Variants in MAP7D1 observed in about 807,000 individuals in gnomAD.
MAP7D1 encodes MAP7 domain containing 1, also known as MAP7 domain-containing protein 1.
In MAP7D1, 30 loss-of-function variants were observed where a neutral mutation model predicts 97.5. The observed-to-expected ratio is 0.31, with a 90% CI of 0.23 to 0.42. The LOEUF is 0.42. Among genes scored for constraint, MAP7D1 ranks in the 10% least tolerant of loss-of-function variants. The pLI, the probability that MAP7D1 is intolerant of heterozygous loss-of-function variation, is 1.00. For missense variants in MAP7D1, 1,184 were observed against 1,179.5 expected (o/e 1.00, Z -0.06); for synonymous variants, 536 against 477.1 (o/e 1.12, Z -1.61).
intron 6 of MAP7D1, among the ~76,000 whole-genome samples, chr1:36,175,816 C>T (rs1228297977): frequency 6.6e-6 from 1 of 152,204 alleles, no homozygotes; most frequent in Non-Finnish European, 1.5e-5. Flanking sequence ...CATGGGACAG[C>T]CTCGGCTGGG....
chr1:36,178,701 C>A lies in MAP7D1; in HGVS notation c.1903C>A (p.Gln635Lys). 1 of 1,532,894 alleles carries A rather than the reference C, an allele frequency of 6.5e-7. No individual in the cohort carries two copies. Among genetic ancestry groups the A allele is most frequent in the South Asian group, 1.2e-5 (1 of 81,722 alleles). The allele number at this position is 1,532,894 out of a possible 1,614,324, so 95.0% of individuals were successfully genotyped here. A position where few individuals can be genotyped will look rare whatever the true frequency, so the allele number is the denominator to read the frequency against. ...GTCCCCCAGGCGAATGCGAGAGGAG[C>A]AGCTGGCACGGGAGGCCGAGGCCCG... is the stretch of plus-strand genomic sequence containing the variant. Reference protein sequence around the residue: ...AERDKRMREEQLAREAEARAE... With the variant: ...AERDKRMREEKLAREAEARAE... The change falls in exon 11 of 17, where the codon CAG becomes AAG. Residue 635 changes from glutamine to lysine, a missense_variant. Physicochemically the swap from Gln to Lys is moderately conservative, Grantham distance 53. Coordinates refer to ENST00000474796, the MANE Select transcript of MAP7D1 (RefSeq NM_001388490.1).
In MAP7D1 at chr1:36,178,953, G is replaced by A; in HGVS notation, c.2058G>A (p.Glu686=). 1 of 1,558,804 alleles carries A rather than the reference G, an allele frequency of 6.4e-7. No homozygotes were observed. The part of the protein sequence containing the change: ...KEEAEARSRE[E]AERQRLEREK... The stretch of plus-strand genomic sequence containing the variant: ...AGGCCGAAGCTCGGTCGCGGGAAGA[G>A]GCGGAGCGGCAGCGTCTGGAGCGGG... The change falls in exon 12 of 17, where the codon GAG becomes GAA. Residue 686 remains glutamate, a synonymous_variant. Coordinates refer to ENST00000474796, the MANE Select transcript of MAP7D1 (RefSeq NM_001388490.1).
rs759055812 is a variant in MAP7D1 at position 36,176,173 on chromosome 1, G to A, written c.851-26G>A. Reference sequence around the variant, plus strand: ...GCCTCCTACGGCCCCCACGGTGACCGGCTTCGCCTGGCCTTCTACCCCCAG... The same window carrying A: ...GCCTCCTACGGCCCCCACGGTGACCAGCTTCGCCTGGCCTTCTACCCCCAG... On this transcript the variant is annotated intron_variant, in intron 6 of 16. Transcript: ENST00000474796. This position sits in a 1 kb window ranked among gnomAD's most constrained non-coding sequence, Gnocchi z 6.1. 11 of 1,600,646 alleles carry A rather than the reference G, an allele frequency of 6.9e-6. No individual in the cohort carries two copies. Among genetic ancestry groups the A allele is most frequent in the Non-Finnish European group, 9.3e-6 (11 of 1,177,414 alleles).
rs369860365 is a variant in MAP7D1, at chr1:36,179,710, G to A, written c.2272G>A (p.Glu758Lys). 4.0e-6 allele frequency: 6 copies of A among 1,516,858 alleles called. No homozygotes were observed. The highest frequency in any genetic ancestry group is 5.3e-6 in the Non-Finnish European group (6 of 1,133,628). 94.0% of individuals were successfully genotyped at this position (1,516,858 alleles called of 1,614,324 possible). The change falls in exon 15 of 17, where the codon GAG (glutamate) becomes AAG (lysine). Residue 758 changes from glutamate to lysine, a missense_variant. Coordinates refer to ENST00000474796, the MANE Select transcript of MAP7D1 (RefSeq NM_001388490.1). ...GGCTCGGTCCCCAGGGCTGCAGAAGGAGGCTGTGCAGAAAGAGGAGCCCAT... is the reference window on the plus strand; with the variant it reads ...GGCTCGGTCCCCAGGGCTGCAGAAGAAGGCTGTGCAGAAAGAGGAGCCCAT... ...VEARSPGLQK[E>K]AVQKEEPIPQ...
chr1:36,171,025 C>A lies in MAP7D1; in HGVS notation c.101C>A (p.Ser34Tyr). 3 of 1,278,238 alleles carry A rather than the reference C, an allele frequency of 2.3e-6. No individual in the cohort carries two copies. The highest frequency in any genetic ancestry group is 3.2e-6 in the Non-Finnish European group (3 of 928,646). The allele number at this position is 1,278,238 out of a possible 1,614,324, so 79.2% of individuals were successfully genotyped here. The change falls in exon 2 of 17, where the codon TCC (serine) becomes TAC (tyrosine). Residue 34 changes from serine to tyrosine, a missense_variant. Ser to Tyr is a moderately radical substitution (Grantham distance 144, BLOSUM62 -2). Coordinates refer to ENST00000474796, the MANE Select transcript of MAP7D1 (RefSeq NM_001388490.1). ...EPRPSPEGDP[S>Y]PPPPPMSALV... ...AGACCTTCTCCAGAAGGTGACCCTT[C>A]CCCCCCACCACCACCAATGTCAGCC... is the stretch of plus-strand genomic sequence containing the variant.
At chr1:36,172,421 T>C (rs757770858) in intron 3 of MAP7D1, 43 bp from the exon 4 acceptor site, 1 of 1,455,230 alleles carries the variant, frequency 6.9e-7, no homozygotes, top group Non-Finnish European at 9.2e-7. Context: ...CCAGGCCTTC[T>C]GCAGAACCCT....
chr1:36,178,359 G>A, intron 9 of MAP7D1, 60 bp from the exon 10 acceptor site: 3 of 1,547,336 alleles, frequency 1.9e-6, no homozygotes, highest in South Asian at 1.2e-5. Context: ...ACAGGCCGCT[G>A]GGAGATGACG....
At chr1:36,156,495 G>GGGTAGATGGA in intron 1 of MAP7D1, 32 bp downstream of exon 1, 1 of 1,415,422 alleles carries the variant, frequency 7.1e-7, no homozygotes, top group Non-Finnish European at 9.2e-7. Context: ...GGCGAGATGG[G>GGGTAGATGGA]GGTAGATGGA....
chr1:36,156,989 G>A (rs1303544681), intron 1 of MAP7D1, among the ~76,000 whole-genome samples: 6 of 152,160 alleles, frequency 3.9e-5, no homozygotes, highest in African/African-American at 1.4e-4. Context: ...TCCAGCTGCC[G>A]CGCAAAGGGC....
At position 36,179,005 on chromosome 1, in the gene MAP7D1, G is replaced by A. The variant is rs1211241973; in HGVS notation, c.2110G>A (p.Glu704Lys). 6.4e-7 allele frequency: 1 copy of A among 1,554,902 alleles called. No individual in the cohort carries two copies. The highest frequency in any genetic ancestry group is 1.9e-5 in the Admixed American group (1 of 51,372). ...AAAGCACTTCCAGCAGCAGGAGCAA[G>A]AGCGGCAAGAGCGCAGAAAGGTGTG... The part of the protein sequence containing the change: ...REKHFQQQEQ[E>K]RQERRKRLEE... Residue 704 changes from glutamate to lysine, a missense_variant, in exon 12 of 17, where the codon GAG becomes AAG. By Grantham distance (56) the Glu-to-Lys change is moderately conservative. Transcript: ENST00000474796.
rs770255219 is a variant in MAP7D1 at position 36,180,269 on chromosome 1, C to T, written c.*11C>T. 6.2e-7 allele frequency: 1 copy of T among 1,614,184 alleles called. No homozygotes were observed. The highest frequency in any genetic ancestry group is 8.5e-7 in the Non-Finnish European group (1 of 1,180,032). ...CCAGAAGTCCTTTAAGAGGGTTTGCCTTGGATCCGGGCACAGTTGTGAGGG... is the reference window on the plus strand; with the variant it reads ...CCAGAAGTCCTTTAAGAGGGTTTGCTTTGGATCCGGGCACAGTTGTGAGGG... On this transcript the variant is annotated 3_prime_UTR_variant, in exon 17 of 17. Transcript: ENST00000474796.
chr1:36,178,604 C>A lies in MAP7D1; in HGVS notation c.1886+8C>A. On this transcript the variant is annotated splice_region_variant and intron_variant, in intron 10 of 16. Transcript: ENST00000474796. ...GCAGGCAGAAAGGGACAAGTGAGTGCGCCTCGGGGACTGAGGGGGCCCTCG... is the reference window on the plus strand; with the variant it reads ...GCAGGCAGAAAGGGACAAGTGAGTGAGCCTCGGGGACTGAGGGGGCCCTCG... 6.4e-7 allele frequency: 1 copy of A among 1,569,580 alleles called. No homozygotes were observed. Among genetic ancestry groups the A allele is most frequent in the Non-Finnish European group, 8.6e-7 (1 of 1,160,816 alleles).
chr1:36,157,846 A>G (rs1172491379), intron 1 of MAP7D1, among the ~76,000 whole-genome samples: 1 of 152,146 alleles, frequency 6.6e-6, no homozygotes, highest in Non-Finnish European at 1.5e-5. Flanking sequence ...GGCTACCATC[A>G]GACTGGTGGG....
chr1:36,160,422 C>G (rs144899108), intron 1 of MAP7D1, among the ~76,000 whole-genome samples: 98 of 152,344 alleles, frequency 6.4e-4, no homozygotes, highest in Admixed American at 5.0e-3. Flanking sequence ...CAAGTTATTT[C>G]CCATTAATTA....
rs1034016743 is a variant in MAP7D1, at chr1:36,172,561, T to G, written c.558T>G (p.Arg186=). Residue 186 remains arginine (R), a synonymous_variant, in exon 4 of 17, where the codon CGT becomes CGG. Transcript: ENST00000474796. ...QERRRRLEEQ[R]LKAEQRRAAL... Reference sequence around the variant, plus strand: ...GCCGGCGCCGGCTGGAGGAGCAACGTCTTAAAGCCGAGCAACGCCGTGCAG... The same window carrying G: ...GCCGGCGCCGGCTGGAGGAGCAACGGCTTAAAGCCGAGCAACGCCGTGCAG... 4.4e-6 allele frequency: 7 copies of G among 1,600,418 alleles called. No individual in the cohort carries two copies. Among genetic ancestry groups the G allele is most frequent in the Non-Finnish European group, 6.0e-6 (7 of 1,169,386 alleles).
At position 36,172,158 on chromosome 1, in the gene MAP7D1, G is replaced by T. The variant is rs1644554009; in HGVS notation, c.461-306G>T. 5 of 238,032 alleles carry T rather than the reference G, an allele frequency of 2.1e-5. No homozygotes were observed. The East Asian group carries it at 4.2e-4, about 20-fold the overall frequency. 14.7% of individuals were successfully genotyped at this position (238,032 alleles called of 1,614,324 possible). ...CCCAAATCCCATGCTCTTAATCACA[G>T]TATGTGGACATCTGTCTGGTAGGCC... On this transcript the variant is annotated intron_variant, in intron 3 of 16. Transcript: ENST00000474796.
Position 36,179,065 on chromosome 1 carries a change from G to T in MAP7D1, c.2130+40G>T, listed in dbSNP as rs762796532. The T allele has an allele frequency of 2.1e-6, 3 of 1,432,054 alleles. No homozygotes were observed. Among genetic ancestry groups the T allele is most frequent in the Non-Finnish European group, 2.9e-6 (3 of 1,043,166 alleles). 88.7% of individuals were successfully genotyped at this position (1,432,054 alleles called of 1,614,324 possible). On this transcript the variant is annotated intron_variant, in intron 12 of 16. Coordinates refer to ENST00000474796, the MANE Select transcript of MAP7D1 (RefSeq NM_001388490.1). ...GCGGGGATTTGTGGGCGGGGCCTGGGCAGGGCGGGCCAGGTGGGCGGGGCC... is the reference window on the plus strand; with the variant it reads ...GCGGGGATTTGTGGGCGGGGCCTGGTCAGGGCGGGCCAGGTGGGCGGGGCC...
chr1:36,158,786 A>G (rs1644371234), intron 1 of MAP7D1, among the ~76,000 whole-genome samples: 1 of 152,158 alleles, frequency 6.6e-6, no homozygotes, highest in South Asian at 2.1e-4. Context: ...TGGGAGCAGG[A>G]ATTGGAAGTC....
At chr1:36,175,377 C>T (rs994734868) in intron 6 of MAP7D1, among the ~76,000 whole-genome samples, 3 of 152,204 alleles carry the variant, frequency 2.0e-5, no homozygotes, top group Non-Finnish European at 4.4e-5. Context: ...GCATTGTCCC[C>T]ATGTGTCAGA....
Sources: gnomAD v4.1 joint callset for allele counts (sites outside exome capture counted in the v4.1 genomes callset) on GRCh38, gnomAD v4.1.1 for gene constraint, Gnocchi (gnomAD v3.1) non-coding constraint, MANE v1.5 for transcripts, NCBI Gene and HGNC (gene_info 2026-07-23, HGNC 2026-07-21) for gene names.